The following RCOR1 variants were observed in gnomAD, a reference collection of about 807,000 sequenced individuals.
RCOR1 encodes the protein REST corepressor.
In RCOR1, 12 loss-of-function variants were observed where a neutral mutation model predicts 64.0. The observed-to-expected ratio is 0.19, with a 90% CI of 0.12 to 0.30. RCOR1 has a LOEUF of 0.30. RCOR1 is among the 10% of genes least tolerant of loss of function. The pLI, the probability that RCOR1 is intolerant of heterozygous loss-of-function variation, is 1.00. For missense variants in RCOR1, 502 were observed against 621.2 expected, an observed-to-expected ratio of 0.81 and a Z score of 2.04; for synonymous variants, 279 against 227.2, an observed-to-expected ratio of 1.23 and a Z score of -2.05.
intron 2 of RCOR1, among the ~76,000 whole-genome samples, chr14:102,676,655 G>C (rs1275892510): frequency 9.0e-6 from 1 of 110,682 alleles, no homozygotes; most frequent in Non-Finnish European, 1.9e-5. Flanking sequence ...CCTCCCTCCC[G>C]GACGGGGCGG....
At chr14:102,593,245 C>T (rs1325515746) in intron 1 of RCOR1, 21 bp from the exon 2 acceptor site, 1 of 1,507,908 alleles carries the variant, frequency 6.6e-7, no homozygotes, top group South Asian at 1.3e-5. Flanking sequence ...CGCTGACCGC[C>T]GTATTCTGCT....
chr14:102,671,484 C>A (rs1895031367), intron 2 of RCOR1, among the ~76,000 whole-genome samples: 1 of 152,176 alleles, frequency 6.6e-6, no homozygotes, highest in Non-Finnish European at 1.5e-5. Flanking sequence ...CAGCCTTGAA[C>A]TCTTGGGCTC....
At chr14:102,713,711 T>G (rs1896006897) in intron 7 of RCOR1, among the ~76,000 whole-genome samples, 1 of 152,224 alleles carries the variant, frequency 6.6e-6, no homozygotes, top group South Asian at 2.1e-4. Context: ...TATTACCCAC[T>G]TGTTGAAGAA....
At chr14:102,615,657 A>G (rs774317889) in intron 2 of RCOR1, among the ~76,000 whole-genome samples, 1 of 152,018 alleles carries the variant, frequency 6.6e-6, no homozygotes, top group African/African-American at 2.4e-5. Flanking sequence ...CATGTTGGTC[A>G]GGCTGGTCTC....
chr14:102,724,564 C>G (rs955518145), intron 11 of RCOR1, among the ~76,000 whole-genome samples: 2 of 152,162 alleles, frequency 1.3e-5, no homozygotes, highest in African/African-American at 4.8e-5. Flanking sequence ...AACTGCTGAT[C>G]TCAAGTGATC....
chr14:102,668,847 C>T (rs1023081321), intron 2 of RCOR1, among the ~76,000 whole-genome samples: 5 of 151,926 alleles, frequency 3.3e-5, no homozygotes, highest in South Asian at 2.1e-4. Context: ...AATTTTTTCC[C>T]GTAAATTTAG....
rs1567423360 is a variant in RCOR1 at position 102,653,962 on chromosome 14, TC to T, written c.362-27932del. 4.6e-3 allele frequency among the ~76,000 whole-genome samples: 269 copies of T among 58,758 alleles called. 4 individuals are homozygous for T. The highest frequency in any genetic ancestry group is 0.029 in the African/African-American group (234 of 7,996). 38.5% of individuals were successfully genotyped at this position (58,758 alleles called of 152,430 possible). A position where few individuals can be genotyped will look rare whatever the true frequency, so the allele number is the denominator to read the frequency against. On this transcript the variant is annotated intron_variant, in intron 2 of 11. Coordinates refer to ENST00000262241, the MANE Select transcript of RCOR1 (RefSeq NM_015156.4). ...TTCTTTCTTTCTTTCTTTCTTTCTT[TC>T]TTTCTTTCTTTCTTTCTTTCTTTTT... is the stretch of plus-strand genomic sequence containing the variant.
chr14:102,603,985 C>T (rs147361901), intron 2 of RCOR1, among the ~76,000 whole-genome samples: 104 of 151,806 alleles, frequency 6.9e-4, no homozygotes, highest in African/African-American at 2.4e-3. Context: ...ATGTGTGTTG[C>T]GGGGAGGAGG....
chr14:102,661,706 A>T (rs1215325422), intron 2 of RCOR1, among the ~76,000 whole-genome samples: 1 of 152,208 alleles, frequency 6.6e-6, no homozygotes, highest in African/African-American at 2.4e-5. Flanking sequence ...GGCTATAGCA[A>T]GATGTTAGCA....
At chr14:102,629,980 C>T in intron 2 of RCOR1, 1 of 974,386 alleles carries the variant, frequency 1.0e-6, no homozygotes, top group East Asian at 1.1e-4. Context: ...TAAAGAGATG[C>T]CTCCTTATTT....
chr14:102,701,023 C>T (rs961765268), intron 3 of RCOR1, among the ~76,000 whole-genome samples: 3 of 152,192 alleles, frequency 2.0e-5, no homozygotes, highest in Non-Finnish European at 2.9e-5. Flanking sequence ...CTTTTTAAAA[C>T]CATCAGATCT....
intron 8 of RCOR1, among the ~76,000 whole-genome samples, chr14:102,718,626 A>G (rs191233372): frequency 1.1e-4 from 16 of 152,174 alleles, no homozygotes; most frequent in Non-Finnish European, 2.1e-4. Context: ...GGACAAGTGG[A>G]TGGCTTTTCT....
Position 102,722,309 on chromosome 14 carries a change from C to T in RCOR1, c.1312C>T (p.Gln438Ter). Residue 438 changes from glutamine to a stop codon, truncating the protein, a stop_gained, in exon 11 of 12, where the codon CAA (glutamine) becomes TAA (stop). Transcript: ENST00000262241. LOFTEE classifies it high-confidence loss of function. ...CCGCTTCAACATAGATGAAGTTTTA[C>T]AAGAATGGGAGGCAGAACATGGTAA... ...RRRFNIDEVL[Q>*]EWEAEHGKEE... is the part of the protein sequence containing the mutation. The T allele has an allele frequency of 6.2e-7, 1 of 1,614,120 alleles. No homozygotes were observed. Among genetic ancestry groups the T allele is most frequent in the Non-Finnish European group, 8.5e-7 (1 of 1,180,004 alleles).
Position 102,714,811 on chromosome 14 carries a change from T to C in RCOR1, c.1053+194T>C, listed in dbSNP as rs373267997. Among the ~76,000 whole-genome samples, 250 of 152,322 alleles carry C rather than the reference T, an allele frequency of 1.6e-3. 1 individual carries two copies. Among genetic ancestry groups the C allele is most frequent in the African/African-American group, 5.6e-3 (233 of 41,568 alleles). On this transcript the variant is annotated intron_variant, in intron 8 of 11. Coordinates refer to ENST00000262241, the MANE Select transcript of RCOR1 (RefSeq NM_015156.4). ...ACATATAAATTGAAGTGTATGGATA[T>C]AGTGTGATCTGAAAGTATTTCTGAA... is the stretch of plus-strand genomic sequence containing the variant.
At chr14:102,601,370 C>A (rs60300877) in intron 2 of RCOR1, among the ~76,000 whole-genome samples, 13,688 of 152,242 alleles carry the variant, frequency 0.09, 675 homozygotes, top group Middle Eastern at 0.17. Flanking sequence ...GCCTCATTCC[C>A]GCCTTCTTTC....
At chr14:102,596,123 C>G (rs1269567876) in intron 2 of RCOR1, among the ~76,000 whole-genome samples, 1 of 149,650 alleles carries the variant, frequency 6.7e-6, no homozygotes, top group Non-Finnish European at 1.5e-5. Flanking sequence ...TTTTTTAATA[C>G]GGAGTTTCAC....
intron 2 of RCOR1, among the ~76,000 whole-genome samples, chr14:102,631,484 T>C (rs1464102046): frequency 6.6e-6 from 1 of 152,044 alleles, no homozygotes; most frequent in Non-Finnish European, 1.5e-5. Context: ...ATTACAGGTG[T>C]GAGCCATCAC....
rs748984206 is a variant in RCOR1, at chr14:102,727,553, G to A, written c.*1047G>A. On this transcript the variant is annotated 3_prime_UTR_variant, in exon 12 of 12. Coordinates refer to ENST00000262241, the MANE Select transcript of RCOR1 (RefSeq NM_015156.4). ...TGGCGCTGGTTTATGAAAGCTGCGCGTTGTTCCGCGTTCTCTCGGTGTGCC... is the reference window on the plus strand; with the variant it reads ...TGGCGCTGGTTTATGAAAGCTGCGCATTGTTCCGCGTTCTCTCGGTGTGCC... 2.6e-5 allele frequency: 4 copies of A among 152,226 alleles called. No individual in the cohort carries two copies. Among genetic ancestry groups the A allele is most frequent in the Non-Finnish European group, 4.4e-5 (3 of 68,028 alleles). The allele number at this position is 152,226 out of a possible 1,614,324, so 9.4% of individuals were successfully genotyped here.
intron 2 of RCOR1, among the ~76,000 whole-genome samples, chr14:102,616,581 A>G (rs1893767282): frequency 6.6e-6 from 1 of 152,142 alleles, no homozygotes; most frequent in South Asian, 2.1e-4. Flanking sequence ...TACAAAGGAT[A>G]TTTGGAAGGA....
Sources: gnomAD v4.1 joint callset for allele counts (sites outside exome capture counted in the v4.1 genomes callset) on GRCh38, gnomAD v4.1.1 for gene constraint, MANE v1.5 for transcripts, NCBI Gene and HGNC (gene_info 2026-07-23, HGNC 2026-07-21) for gene names.